Variants in GHR observed in about 807,000 individuals in gnomAD.
The protein encoded by GHR is GH receptor.
In GHR, 35 loss-of-function variants were observed where a neutral mutation model predicts 67.1. The observed-to-expected ratio is 0.52, with a 90% CI of 0.40 to 0.69. The LOEUF (loss-of-function observed/expected upper bound fraction) is 0.69. GHR is among the 30% of genes least tolerant of loss of function. The pLI is 0.00. For missense variants in GHR, 792 were observed against 764.6 expected (o/e 1.04, Z -0.42); for synonymous variants, 272 against 269.1 (o/e 1.01, Z -0.10).
chr5:42,619,964 G>A (rs1316768316), intron 2 of GHR: 1 of 152,214 alleles, frequency 6.6e-6, no homozygotes, highest in African/African-American at 2.4e-5. Flanking sequence ...ACCAAGCAAC[G>A]AGCACCACAT....
At position 42,542,861 on chromosome 5, in the gene GHR, A is replaced by G. The variant is rs1748576437; in HGVS notation, c.-11-23003A>G. Among the ~76,000 whole-genome samples, 3 of 152,020 alleles carry G rather than the reference A, an allele frequency of 2.0e-5. 1 individual carries two copies. The highest frequency in any genetic ancestry group is 6.8e-3 in the Middle Eastern group (2 of 294). ...TTTGCATACCCATAGCTTACCTCCCACTTACAAGCAAGAACTTCATGGTAT... is the reference window on the plus strand; with the variant it reads ...TTTGCATACCCATAGCTTACCTCCCGCTTACAAGCAAGAACTTCATGGTAT... On this transcript the variant is annotated intron_variant, in intron 1 of 9. Coordinates refer to ENST00000230882, the MANE Select transcript of GHR (RefSeq NM_000163.5).
chr5:42,435,966 G>A (rs953947858), intron 1 of GHR, among the ~76,000 whole-genome samples: 5 of 152,116 alleles, frequency 3.3e-5, no homozygotes, highest in African/African-American at 9.7e-5. Flanking sequence ...TTTACTCAGC[G>A]TACATATGTA....
chr5:42,432,493 A>G (rs964587328), intron 1 of GHR, among the ~76,000 whole-genome samples: 2 of 152,232 alleles, frequency 1.3e-5, no homozygotes, highest in Non-Finnish European at 2.9e-5. Context: ...TATGTGGCAC[A>G]TGATCCTAAT....
rs925958384 is a variant in GHR at position 42,555,059 on chromosome 5, G to A, written c.-11-10805G>A. Reference sequence around the variant, plus strand: ...GGTACACTGTAAACTTCCTGGAGATGAGACATGATATTGATCTGCCCTGTG... The same window carrying A: ...GGTACACTGTAAACTTCCTGGAGATAAGACATGATATTGATCTGCCCTGTG... On this transcript the variant is annotated intron_variant, in intron 1 of 9. Transcript: ENST00000230882. 5.3e-5 allele frequency among the ~76,000 whole-genome samples: 8 copies of A among 152,268 alleles called. No homozygotes were observed. In the South Asian group the frequency reaches 1.7e-3, roughly 32 times the overall value.
chr5:42,576,406 A>C (rs1051373639), intron 2 of GHR, among the ~76,000 whole-genome samples: 1 of 152,088 alleles, frequency 6.6e-6, no homozygotes, highest in Non-Finnish European at 1.5e-5. Context: ...TAAAATTCCT[A>C]TAATTATAGG....
At chr5:42,425,006 G>A (rs752848416) in intron 1 of GHR, 189 of 985,228 alleles carry the variant, frequency 1.9e-4, no homozygotes, top group South Asian at 5.6e-4. Flanking sequence ...GTCTGTTTGT[G>A]CCGCCAGGAG....
chr5:42,503,288 G>T (rs929979232), intron 1 of GHR, among the ~76,000 whole-genome samples: 1 of 152,226 alleles, frequency 6.6e-6, no homozygotes, highest in South Asian at 2.1e-4. Flanking sequence ...TCAGAAATGG[G>T]TAGTGTCAAA....
chr5:42,661,833 C>T (rs1755646645), intron 3 of GHR, among the ~76,000 whole-genome samples: 1 of 152,128 alleles, frequency 6.6e-6, no homozygotes, highest in South Asian at 2.1e-4. Flanking sequence ...AGTCAAGAAC[C>T]ATCAGTGTGC....
chr5:42,466,534 T>A (rs1744741177), intron 1 of GHR, among the ~76,000 whole-genome samples: 1 of 152,178 alleles, frequency 6.6e-6, no homozygotes, highest in Admixed American at 6.5e-5. Context: ...TGCCTATTGC[T>A]CAAGCAATCA....
intron 6 of GHR, among the ~76,000 whole-genome samples, chr5:42,704,076 G>A (rs1758059460): frequency 6.6e-6 from 1 of 151,786 alleles, no homozygotes; most frequent in Non-Finnish European, 1.5e-5. Flanking sequence ...TTTGAATCGA[G>A]TAGAATAGAG....
At chr5:42,499,799 G>A (rs932789262) in intron 1 of GHR, among the ~76,000 whole-genome samples, 1 of 152,108 alleles carries the variant, frequency 6.6e-6, no homozygotes, top group African/African-American at 2.4e-5. Context: ...GGAGAAAGGA[G>A]AAGATTTTAA....
At chr5:42,573,879 T>G (rs1004096647) in intron 2 of GHR, among the ~76,000 whole-genome samples, 6 of 152,202 alleles carry the variant, frequency 3.9e-5, no homozygotes, top group Non-Finnish European at 8.8e-5. Flanking sequence ...TGGCAAAACC[T>G]TCCAAATTTG....
chr5:42,668,344 A>T (rs1756100467), intron 3 of GHR, among the ~76,000 whole-genome samples: 2 of 152,168 alleles, frequency 1.3e-5, no homozygotes, highest in African/African-American at 2.4e-5. Flanking sequence ...GGCACTATTG[A>T]CATTTTGGAC....
intron 1 of GHR, among the ~76,000 whole-genome samples, chr5:42,440,339 A>C (rs1339836583): frequency 2.0e-5 from 3 of 152,218 alleles, no homozygotes; most frequent in Admixed American, 6.5e-5. Context: ...GAAAGCTTCA[A>C]AAATGGGATA....
chr5:42,464,156 T>C (rs1744626632), intron 1 of GHR, among the ~76,000 whole-genome samples: 1 of 151,920 alleles, frequency 6.6e-6, no homozygotes, highest in Admixed American at 6.6e-5. Flanking sequence ...GCTTTCATTA[T>C]CTACTTACTA....
intron 1 of GHR, among the ~76,000 whole-genome samples, chr5:42,480,495 TC>T (rs1393122789): frequency 6.6e-6 from 1 of 152,198 alleles, no homozygotes; most frequent in Non-Finnish European, 1.5e-5. Context: ...GGTGTTAAAG[TC>T]TCCCATTATT....
At chr5:42,622,129 G>C (rs1488830440) in intron 2 of GHR, among the ~76,000 whole-genome samples, 1 of 152,202 alleles carries the variant, frequency 6.6e-6, no homozygotes, top group Admixed American at 6.5e-5. Context: ...CCACTGAGTA[G>C]TATCCAACCA....
intron 3 of GHR, among the ~76,000 whole-genome samples, chr5:42,676,489 T>G (rs1415993378): frequency 1.3e-5 from 2 of 152,200 alleles, no homozygotes; most frequent in Non-Finnish European, 2.9e-5. Context: ...AAATTTTTTG[T>G]CAGTTGCCAT....
chr5:42,662,169 G>A (rs374364972), intron 3 of GHR, among the ~76,000 whole-genome samples: 2 of 152,070 alleles, frequency 1.3e-5, no homozygotes, highest in African/African-American at 2.4e-5. Flanking sequence ...GACTTTAACA[G>A]CCCACTGTCA....
Sources: gnomAD v4.1 joint callset for allele counts (sites outside exome capture counted in the v4.1 genomes callset) on GRCh38, gnomAD v4.1.1 for gene constraint, MANE v1.5 for transcripts, NCBI Gene and HGNC (gene_info 2026-07-23, HGNC 2026-07-21) for gene names.